Variants in MINDY4 observed in about 807,000 individuals in gnomAD.
MINDY4 encodes MINDY lysine 48 deubiquitinase 4, also known as probable ubiquitin carboxyl-terminal hydrolase MINDY-4.
In MINDY4, 68 loss-of-function variants were observed where a neutral mutation model predicts 87.0. The observed-to-expected ratio is 0.78, with a 90% confidence interval of 0.64 to 0.96. The LOEUF is 0.96. Ranked by LOEUF, MINDY4 falls within the 40% of genes least tolerant of loss-of-function variation. The probability of loss-of-function intolerance (pLI) is 0.00; values close to 1 mark genes in which losing one functional copy is unlikely to be tolerated. For synonymous variants in MINDY4, 379 were observed against 363.2 expected (o/e 1.04, Z -0.50); for missense variants, 919 against 928.2 (o/e 0.99, Z 0.13).
At position 30,785,842 on chromosome 7, in the gene MINDY4, A is replaced by G; in HGVS notation, c.513A>G (p.Glu171=). 3 of 1,614,200 alleles carry G rather than the reference A, an allele frequency of 1.9e-6. No individual in the cohort carries two copies. The highest frequency in any genetic ancestry group is 1.7e-6 in the Non-Finnish European group (2 of 1,180,038). Residue 171 remains glutamate, a synonymous_variant, in exon 4 of 18, where the codon GAA becomes GAG. Transcript: ENST00000265299. ...KSKPMQTVPG[E]TPVLTSAWEK... ...AGCCCATGCAGACGGTCCCGGGTGAAACTCCTGTGTTGACTTCTGCATGGG... is the reference window on the plus strand; with the variant it reads ...AGCCCATGCAGACGGTCCCGGGTGAGACTCCTGTGTTGACTTCTGCATGGG...
chr7:30,840,930 G>A (rs1789014066), intron 9 of MINDY4, 82 bp downstream of exon 9: 1 of 1,223,550 alleles, frequency 8.2e-7, no homozygotes, highest in African/African-American at 1.5e-5. Flanking sequence ...AAGGAAGCAT[G>A]TGTGTTCCCT....
intron 15 of MINDY4, among the ~76,000 whole-genome samples, chr7:30,879,737 T>C (rs1471622774): frequency 6.6e-6 from 1 of 152,216 alleles, no homozygotes; most frequent in Non-Finnish European, 1.5e-5. Flanking sequence ...CTTCTCATTG[T>C]CCCCTCCATA....
intron 5 of MINDY4, among the ~76,000 whole-genome samples, chr7:30,816,164 G>C (rs745653417): frequency 6.6e-6 from 1 of 151,562 alleles, no homozygotes; most frequent in African/African-American, 2.4e-5. Context: ...AGCATCCATT[G>C]AATACCAATT....
At position 30,809,298 on chromosome 7, in the gene MINDY4, A is replaced by G. The variant is rs369500000; in HGVS notation, c.1073+17724A>G. 7.9e-5 allele frequency among the ~76,000 whole-genome samples: 12 copies of G among 151,968 alleles called. 1 individual carries two copies. Among genetic ancestry groups the G allele is most frequent in the Admixed American group, 3.9e-4 (6 of 15,270 alleles). On this transcript the variant is annotated intron_variant, in intron 5 of 17. Coordinates refer to ENST00000265299, the MANE Select transcript of MINDY4 (RefSeq NM_032222.3). The stretch of plus-strand genomic sequence containing the variant: ...AATCTGTAGCGGCAACTGCTTAGCT[A>G]ACAGAAAAAATTTAAAAAATAACTG...
At chr7:30,781,253 T>G (rs1384139653) in intron 2 of MINDY4, 1 of 152,266 alleles carries the variant, frequency 6.6e-6, no homozygotes, top group Admixed American at 6.5e-5. Flanking sequence ...TAGCTGTGTT[T>G]ATCCAAATTA....
intron 1 of MINDY4, among the ~76,000 whole-genome samples, chr7:30,775,065 A>G (rs1316030757): frequency 6.6e-6 from 1 of 152,140 alleles, no homozygotes; most frequent in Admixed American, 6.5e-5. Context: ...CTCACACTTC[A>G]GACACCAAAT....
At chr7:30,783,700 G>A (rs7800050) in intron 3 of MINDY4, among the ~76,000 whole-genome samples, 45,376 of 152,030 alleles carry the variant, frequency 0.3, 7,094 homozygotes, top group Non-Finnish European at 0.32. Flanking sequence ...TTATTTTCCT[G>A]TTGAGGCTGT....
intron 5 of MINDY4, among the ~76,000 whole-genome samples, chr7:30,804,387 C>T (rs1436868030): frequency 1.3e-5 from 2 of 152,200 alleles, no homozygotes; most frequent in Non-Finnish European, 2.9e-5. Flanking sequence ...AGTTTTTGAT[C>T]TCAATCTAAA....
Position 30,840,903 on chromosome 7 carries a change from G to A in MINDY4, c.1445+55G>A, listed in dbSNP as rs375416712. On this transcript the variant is annotated intron_variant, in intron 9 of 17. Coordinates refer to ENST00000265299, the MANE Select transcript of MINDY4 (RefSeq NM_032222.3). ...TATTTTCCCAAGTCTTCCCCAGAGT[G>A]TCCAGAAAAAACAAGCAAGGAAGCA... 13 of 1,511,272 alleles carry A rather than the reference G, an allele frequency of 8.6e-6. No individual in the cohort carries two copies. The African/African-American group carries it at 1.8e-4, about 21-fold the overall frequency. The allele number at this position is 1,511,272 out of a possible 1,614,324, so 93.6% of individuals were successfully genotyped here. A position where few individuals can be genotyped will look rare whatever the true frequency, so the allele number is the denominator to read the frequency against.
chr7:30,853,588 G>A (rs573323043), intron 12 of MINDY4, 129 bp downstream of exon 12: 19 of 813,528 alleles, frequency 2.3e-5, no homozygotes, highest in Non-Finnish European at 3.7e-5. Flanking sequence ...AGCTGGGAAG[G>A]AGTAATGCTG....
At chr7:30,856,235 C>G (rs1432725759) in intron 12 of MINDY4, among the ~76,000 whole-genome samples, 3 of 152,214 alleles carry the variant, frequency 2.0e-5, no homozygotes, top group African/African-American at 7.2e-5. Flanking sequence ...GGCCAGTTGC[C>G]TTGCCTGACC....
intron 11 of MINDY4, 164 bp downstream of exon 11, chr7:30,852,443 C>T (rs1789441387): frequency 1.1e-6 from 1 of 886,794 alleles, no homozygotes; most frequent in Non-Finnish European, 1.4e-6. Context: ...CGTGGGGTGG[C>T]TTTGGGGATG....
chr7:30,853,303 TAGCTACTAAAGCCAGGGAGCAGA>T lies in MINDY4; in HGVS notation c.1612-85_1612-63del, dbSNP rs914964404. Reference sequence around the variant, plus strand: ...AGGGACATTCCCAAGTTGGATTTTGTAGCTACTAAAGCCAGGGAGCAGAAGCTAATTCAGGATGGGGCACTGCG... The same window carrying T: ...AGGGACATTCCCAAGTTGGATTTTGTAGCTAATTCAGGATGGGGCACTGCG... On this transcript the variant is annotated intron_variant, in intron 11 of 17. Coordinates refer to ENST00000265299, the MANE Select transcript of MINDY4 (RefSeq NM_032222.3). 1.0e-5 allele frequency: 11 copies of T among 1,069,328 alleles called. No homozygotes were observed. In the African/African-American group the frequency reaches 1.6e-4, roughly 15 times the overall value. The allele number at this position is 1,069,328 out of a possible 1,614,324, so 66.2% of individuals were successfully genotyped here. A position where few individuals can be genotyped will look rare whatever the true frequency, so the allele number is the denominator to read the frequency against.
intron 5 of MINDY4, among the ~76,000 whole-genome samples, chr7:30,822,350 T>C (rs1788360800): frequency 6.6e-6 from 1 of 152,112 alleles, no homozygotes. Context: ...TTTGTATTTT[T>C]AGTAGAGACA....
intron 5 of MINDY4, among the ~76,000 whole-genome samples, chr7:30,819,114 G>A (rs1318138458): frequency 6.6e-6 from 1 of 151,944 alleles, no homozygotes; most frequent in East Asian, 1.9e-4. Flanking sequence ...GGTCTATTCT[G>A]TTGTTCTCTT....
intron 7 of MINDY4, among the ~76,000 whole-genome samples, chr7:30,838,272 T>C (rs1283399913): frequency 1.3e-5 from 2 of 152,062 alleles, no homozygotes; most frequent in African/African-American, 2.4e-5. Flanking sequence ...GTGAACTCAT[T>C]ATCAGCCAGA....
chr7:30,773,710 G>C (rs1205839128), intron 1 of MINDY4, among the ~76,000 whole-genome samples: 1 of 152,082 alleles, frequency 6.6e-6, no homozygotes, highest in African/African-American at 2.4e-5. Flanking sequence ...TGGGCTTGTT[G>C]TTACCAGTAC....
chr7:30,778,695 A>G (rs11769431), intron 2 of MINDY4, 144 bp downstream of exon 2: 268,793 of 935,796 alleles, frequency 0.29, 41,740 homozygotes, highest in Non-Finnish European at 0.32. Context: ...GGACCCCCCA[A>G]ATGTGGACAG....
intron 11 of MINDY4, among the ~76,000 whole-genome samples, chr7:30,852,754 T>C (rs538540906): frequency 6.6e-6 from 1 of 152,358 alleles, no homozygotes; most frequent in African/African-American, 2.4e-5. Flanking sequence ...ACATACATTT[T>C]TGTATTTTGT....
Sources: allele counts gnomAD v4.1 joint callset (sites outside exome capture counted in the v4.1 genomes callset), GRCh38; gene constraint gnomAD v4.1.1; transcripts MANE v1.5; gene names NCBI Gene and HGNC (gene_info 2026-07-23, HGNC 2026-07-21).